HDAC9: variants seen among roughly 807,000 people sequenced by gnomAD.
HDAC9 encodes histone deacetylase 9, also known as MEF-2 interacting transcription repressor (MITR) protein.
Under a neutral mutation model 139.4 loss-of-function variants are expected in HDAC9, and 41 were observed. That is an observed-to-expected ratio of 0.29 (90% CI 0.23 to 0.38). HDAC9 has a LOEUF of 0.38. HDAC9 is among the 10% of genes least tolerant of loss of function. The probability of loss-of-function intolerance (pLI) is 1.00; values close to 1 mark genes in which losing one functional copy is unlikely to be tolerated. For missense variants in HDAC9, 1,147 were observed against 1,297.0 expected, an observed-to-expected ratio of 0.88 and a Z score of 1.78; for synonymous variants, 517 against 476.2, an observed-to-expected ratio of 1.09 and a Z score of -1.12.
intron 24 of HDAC9, among the ~76,000 whole-genome samples, chr7:18,964,920 G>A (rs1783750538): frequency 6.6e-6 from 1 of 152,208 alleles, no homozygotes; most frequent in African/African-American, 2.4e-5. Flanking sequence ...CCATATCACT[G>A]AGTGATAGAA....
At chr7:18,800,704 G>A (rs920737735) in intron 17 of HDAC9, among the ~76,000 whole-genome samples, 2 of 152,048 alleles carry the variant, frequency 1.3e-5, no homozygotes, top group Non-Finnish European at 2.9e-5. Context: ...GGGGTGGCAT[G>A]TACCTGTTGT....
At chr7:18,119,447 G>C (rs986198747) in intron 1 of HDAC9, among the ~76,000 whole-genome samples, 2 of 152,200 alleles carry the variant, frequency 1.3e-5, no homozygotes, top group Non-Finnish European at 2.9e-5. Context: ...TTATGGCACA[G>C]TAGAGAGACC....
Position 18,529,788 on chromosome 7 carries a change from A to G in HDAC9, c.22+33464A>G, listed in dbSNP as rs1918282. Among the ~76,000 whole-genome samples the G allele has an allele frequency of 9.5e-3, 1,446 of 152,140 alleles. 27 individuals are homozygous for G. The highest frequency in any genetic ancestry group is 0.033 in the African/African-American group (1,381 of 41,494). On this transcript the variant is annotated intron_variant, in intron 2 of 25. Transcript: ENST00000686413. ...AATGTTTAAAATCTTTATTGCACCA[A>G]TTTTTTTAAATCTTTATTGGTTTTC...
chr7:18,090,009 T>G (rs1226127678), intron 1 of HDAC9, among the ~76,000 whole-genome samples: 1 of 152,220 alleles, frequency 6.6e-6, no homozygotes, highest in Non-Finnish European at 1.5e-5. Context: ...TCAATAGACA[T>G]CATACTTAAT....
intron 1 of HDAC9, among the ~76,000 whole-genome samples, chr7:18,421,236 T>C (rs1789585970): frequency 6.6e-6 from 1 of 152,192 alleles, no homozygotes; most frequent in Non-Finnish European, 1.5e-5. Context: ...AGTGAGTTAG[T>C]TTAAAAGTAG....
chr7:18,856,981 A>C (rs1401738353), intron 21 of HDAC9, among the ~76,000 whole-genome samples: 2 of 152,092 alleles, frequency 1.3e-5, no homozygotes, highest in Non-Finnish European at 2.9e-5. Flanking sequence ...CAGTCTGTTC[A>C]TATATTCTTC....
intron 1 of HDAC9, among the ~76,000 whole-genome samples, chr7:18,149,971 A>G (rs926459323): frequency 2.6e-5 from 4 of 152,156 alleles, no homozygotes; most frequent in South Asian, 2.1e-4. Context: ...TTCTGGGATT[A>G]CAGGTGTAAT....
intron 2 of HDAC9, among the ~76,000 whole-genome samples, chr7:18,572,614 A>G (rs145496892): frequency 2.8e-4 from 42 of 152,192 alleles, no homozygotes; most frequent in African/African-American, 1.0e-3. Context: ...ATTATTACCT[A>G]TATTTTCTAT....
intron 14 of HDAC9, among the ~76,000 whole-genome samples, chr7:18,753,120 T>C (rs2129149570): frequency 6.6e-6 from 1 of 152,258 alleles, no homozygotes; most frequent in African/African-American, 2.4e-5. Flanking sequence ...GTACAAAATA[T>C]ACATCCCCTG....
intron 1 of HDAC9, among the ~76,000 whole-genome samples, chr7:18,476,518 A>G (rs1795122684): frequency 6.6e-6 from 1 of 151,690 alleles, no homozygotes; most frequent in Non-Finnish European, 1.5e-5. Context: ...TAAATGTGGC[A>G]GGACCATCAC....
chr7:18,553,204 C>T (rs1817694469), intron 2 of HDAC9, among the ~76,000 whole-genome samples: 2 of 151,944 alleles, frequency 1.3e-5, no homozygotes, highest in African/African-American at 4.8e-5. Flanking sequence ...TCTGATACAC[C>T]CTCACAACCT....
At chr7:18,214,726 T>G (rs2128170976) in intron 2 of HDAC9, among the ~76,000 whole-genome samples, 1 of 152,252 alleles carries the variant, frequency 6.6e-6, no homozygotes, top group African/African-American at 2.4e-5. Context: ...AATACCTTTA[T>G]GTTTTTATTT....
At chr7:18,397,870 G>C (rs1039386173) in intron 1 of HDAC9, among the ~76,000 whole-genome samples, 1 of 152,092 alleles carries the variant, frequency 6.6e-6, no homozygotes, top group African/African-American at 2.4e-5. Context: ...GGGCTGGCCT[G>C]TGGTGTCATT....
At chr7:18,332,275 T>G (rs924444148) in intron 1 of HDAC9, among the ~76,000 whole-genome samples, 1 of 151,316 alleles carries the variant, frequency 6.6e-6, no homozygotes, top group Non-Finnish European at 1.5e-5. Flanking sequence ...TTAGCCAGAG[T>G]TCCCCTAAGA....
At chr7:18,341,913 C>T (rs2128662328) in intron 1 of HDAC9, among the ~76,000 whole-genome samples, 1 of 151,740 alleles carries the variant, frequency 6.6e-6, no homozygotes, top group East Asian at 1.9e-4. Flanking sequence ...CCTTTTGGTT[C>T]CAGTCAGGCA....
chr7:18,232,603 T>C (rs1010479761), intron 2 of HDAC9, among the ~76,000 whole-genome samples: 1 of 152,230 alleles, frequency 6.6e-6, no homozygotes, highest in Non-Finnish European at 1.5e-5. Flanking sequence ...AGGCATGGAT[T>C]CTAATGAATT....
At chr7:18,405,103 C>T (rs1173508002) in intron 1 of HDAC9, among the ~76,000 whole-genome samples, 1 of 152,196 alleles carries the variant, frequency 6.6e-6, no homozygotes, top group African/African-American at 2.4e-5. Flanking sequence ...AGGGAGCATG[C>T]GCAAACTCCA....
intron 24 of HDAC9, among the ~76,000 whole-genome samples, chr7:18,955,519 AATTG>A (rs2060577526): frequency 1.3e-5 from 2 of 152,172 alleles, no homozygotes; most frequent in African/African-American, 4.8e-5. Flanking sequence ...AGAGTGTTAA[AATTG>A]ATTGTTCCTA....
chr7:18,511,800 T>G (rs569303889), intron 2 of HDAC9, among the ~76,000 whole-genome samples: 2 of 152,138 alleles, frequency 1.3e-5, no homozygotes, highest in African/African-American at 4.8e-5. Context: ...ATATTGGATA[T>G]TGTCAGACTG....
Sources: allele counts gnomAD v4.1 joint callset (sites outside exome capture counted in the v4.1 genomes callset), GRCh38; gene constraint gnomAD v4.1.1; transcripts MANE v1.5; gene names NCBI Gene and HGNC (gene_info 2026-07-23, HGNC 2026-07-21).